Variants in EPHA3 observed in about 807,000 individuals in gnomAD.
EPHA3 encodes ephrin type-A receptor 3.
A neutral mutation model predicts 107.1 loss-of-function variants in EPHA3; 42 were observed. The ratio of observed to expected loss-of-function variants is 0.39; its 90% CI spans 0.31 to 0.51. The LOEUF (loss-of-function observed/expected upper bound fraction) is 0.51, where lower values mean the gene tolerates loss of function less well. EPHA3 is among the 20% of genes least tolerant of loss of function. The probability of loss-of-function intolerance (pLI) is 0.78; values close to 1 mark genes in which losing one functional copy is unlikely to be tolerated. For missense variants in EPHA3, 1,183 were observed against 1,211.2 expected, an observed-to-expected ratio of 0.98 and a Z score of 0.35; for synonymous variants, 461 against 424.8, an observed-to-expected ratio of 1.09 and a Z score of -1.05.
chr3:89,333,976 C>A (rs1707344862), intron 3 of EPHA3, among the ~76,000 whole-genome samples: 1 of 151,704 alleles, frequency 6.6e-6, no homozygotes, highest in South Asian at 2.1e-4. Flanking sequence ...TTTTTCTTGT[C>A]ATTAAAAGAG....
chr3:89,375,912 A>C (rs1576344481), intron 5 of EPHA3, among the ~76,000 whole-genome samples: 1 of 151,962 alleles, frequency 6.6e-6, no homozygotes, highest in Admixed American at 6.6e-5. Context: ...AAAGAAATCC[A>C]ACTCTAGCAA....
intron 5 of EPHA3, 31 bp from the exon 6 acceptor site, chr3:89,395,806 T>TCC (rs773265090): frequency 1.9e-6 from 3 of 1,611,834 alleles, no homozygotes; most frequent in Non-Finnish European, 8.5e-7. Context: ...TTTGCTTCCT[T>TCC]CCACCTTCCC....
chr3:89,383,790 A>C (rs536282223), intron 5 of EPHA3, among the ~76,000 whole-genome samples: 37 of 151,746 alleles, frequency 2.4e-4, no homozygotes, highest in African/African-American at 8.9e-4. Context: ...CTGGGACTAC[A>C]GGTGCCCGCC....
chr3:89,416,571 A>G (rs1317602857), intron 10 of EPHA3, among the ~76,000 whole-genome samples: 8 of 151,394 alleles, frequency 5.3e-5, no homozygotes, highest in African/African-American at 1.9e-4. Context: ...TCAGAGTTGT[A>G]ATAACCATAA....
At chr3:89,408,160 T>G (rs760388093) in intron 9 of EPHA3, 29 bp downstream of exon 9, 2 of 1,606,722 alleles carry the variant, frequency 1.2e-6, no homozygotes, top group African/African-American at 1.3e-5. Flanking sequence ...CTTTTTGTTT[T>G]GCTTCACCGT....
At position 89,480,830 on chromosome 3, in the gene EPHA3, G is replaced by T; in HGVS notation, c.*1328G>T. The T allele has an allele frequency of 8.6e-6, 2 of 232,356 alleles. No homozygotes were observed. Among genetic ancestry groups the T allele is most frequent in the East Asian group, 1.2e-4 (2 of 16,366 alleles). The allele number at this position is 232,356 out of a possible 1,614,324, so 14.4% of individuals were successfully genotyped here. Reference sequence around the variant, plus strand: ...ACTTCAATGCACATGGTGCAGTTTTGGTGTGTAACTTAGAAGGATTGAACT... The same window carrying T: ...ACTTCAATGCACATGGTGCAGTTTTTGTGTGTAACTTAGAAGGATTGAACT... On this transcript the variant is annotated 3_prime_UTR_variant, in exon 17 of 17. Coordinates refer to ENST00000336596, the MANE Select transcript of EPHA3 (RefSeq NM_005233.6).
intron 2 of EPHA3, among the ~76,000 whole-genome samples, chr3:89,204,269 A>G (rs1449946923): frequency 6.6e-6 from 1 of 152,160 alleles, no homozygotes; most frequent in Admixed American, 6.5e-5. Context: ...ATTTCTGCTG[A>G]AAACTTAGGG....
rs772847777 is a variant in EPHA3 at position 89,399,437 on chromosome 3, T to C, written c.1551T>C (p.Tyr517=). The C allele has an allele frequency of 3.1e-6, 5 of 1,614,016 alleles. No individual in the cohort carries two copies. In the African/African-American group the frequency reaches 5.3e-5, roughly 17 times the overall value. ...FQIRARTAAG[Y]GTNSRKFEFE... is the part of the protein sequence containing the mutation. The stretch of plus-strand genomic sequence containing the variant: ...TCCGAGCCCGAACAGCCGCTGGATA[T>C]GGGACGAACAGCCGCAAGTTTGAGT... Residue 517 remains tyrosine, a synonymous_variant, in exon 7 of 17, where the codon TAT becomes TAC. Coordinates refer to ENST00000336596, the MANE Select transcript of EPHA3 (RefSeq NM_005233.6).
intron 5 of EPHA3, among the ~76,000 whole-genome samples, chr3:89,372,950 G>A (rs2107473659): frequency 6.6e-6 from 1 of 151,754 alleles, no homozygotes; most frequent in Non-Finnish European, 1.5e-5. Flanking sequence ...AAAGTAGTTT[G>A]ATCAAATACA....
chr3:89,426,769 G>A (rs1371627797), intron 11 of EPHA3, among the ~76,000 whole-genome samples: 4 of 151,868 alleles, frequency 2.6e-5, no homozygotes, highest in African/African-American at 9.7e-5. Flanking sequence ...TGCATTTGAA[G>A]TGTGCATTGA....
intron 2 of EPHA3, among the ~76,000 whole-genome samples, chr3:89,147,550 G>A (rs990444351): frequency 5.3e-5 from 8 of 151,896 alleles, no homozygotes; most frequent in African/African-American, 1.9e-4. Context: ...GCTCAGTTAA[G>A]ATGAAAACAA....
chr3:89,429,002 C>T, intron 11 of EPHA3, 104 bp from the exon 12 acceptor site: 1 of 682,802 alleles, frequency 1.5e-6, no homozygotes, highest in Non-Finnish European at 2.2e-6. Context: ...AGGCAAAGTT[C>T]TTACATCTCT....
At chr3:89,142,343 T>C (rs9868838) in intron 2 of EPHA3, among the ~76,000 whole-genome samples, 35,557 of 151,006 alleles carry the variant, frequency 0.24, 4,323 homozygotes, top group Middle Eastern at 0.33. Context: ...GGGAGAGGAG[T>C]TATTGTTTAA....
chr3:89,321,339 G>A (rs1011950373), intron 3 of EPHA3, among the ~76,000 whole-genome samples: 2 of 151,604 alleles, frequency 1.3e-5, no homozygotes, highest in African/African-American at 4.9e-5. Context: ...CAGATCTGCT[G>A]CCTCCTAGTC....
At chr3:89,328,493 C>T (rs991801655) in intron 3 of EPHA3, among the ~76,000 whole-genome samples, 13 of 152,148 alleles carry the variant, frequency 8.5e-5, no homozygotes. Context: ...CCCTGTGTGC[C>T]TTGGAAGATG....
chr3:89,158,024 T>G (rs777440946), intron 2 of EPHA3, among the ~76,000 whole-genome samples: 5 of 152,056 alleles, frequency 3.3e-5, no homozygotes, highest in African/African-American at 1.2e-4. Context: ...TACCATTGCT[T>G]GTTTGTGTTT....
chr3:89,460,823 C>CTTTTTTTTTTTTTTTTT (rs753656853), intron 15 of EPHA3, among the ~76,000 whole-genome samples: 19 of 102,932 alleles, frequency 1.8e-4, no homozygotes, highest in African/African-American at 4.8e-4. Flanking sequence ...CTCTGTCTCT[C>CTTTTTTTTTTTTTTTTT]TTTTTTTTTT....
Position 89,120,443 on chromosome 3 carries a change from C to T in EPHA3, c.89-6766C>T, listed in dbSNP as rs528437288. On this transcript the variant is annotated intron_variant, in intron 1 of 16. Coordinates refer to ENST00000336596, the MANE Select transcript of EPHA3 (RefSeq NM_005233.6). The stretch of plus-strand genomic sequence containing the variant: ...AAAATTCACTGGCAGTAGAGCATCA[C>T]AACTCATTTATGTGAAAGGATTATT... Among the ~76,000 whole-genome samples the T allele has an allele frequency of 2.6e-5, 4 of 152,264 alleles. No homozygotes were observed. In the South Asian group the frequency reaches 8.3e-4, roughly 32 times the overall value.
chr3:89,365,431 A>G lies in EPHA3; in HGVS notation c.1306+23341A>G, dbSNP rs1559666178. Among the ~76,000 whole-genome samples the G allele has an allele frequency of 2.7e-5, 4 of 150,552 alleles. No individual in the cohort carries two copies. In the Admixed American group the frequency reaches 2.7e-4, roughly 10 times the overall value. ...TTTCCAAACATATTTAGTCATAGAT[A>G]CAAAACATAATGCAAATAAAGGGGC... is the stretch of plus-strand genomic sequence containing the variant. On this transcript the variant is annotated intron_variant, in intron 5 of 16. Coordinates refer to ENST00000336596, the MANE Select transcript of EPHA3 (RefSeq NM_005233.6).
Sources: allele counts gnomAD v4.1 joint callset (sites outside exome capture counted in the v4.1 genomes callset), GRCh38; gene constraint gnomAD v4.1.1; transcripts MANE v1.5; gene names NCBI Gene and HGNC (gene_info 2026-07-23, HGNC 2026-07-21).